EHBP1: variants seen among roughly 807,000 people sequenced by gnomAD.
EHBP1 encodes EH domain binding protein 1.
In EHBP1, 55 loss-of-function variants were observed where a neutral mutation model predicts 144.0. That is an observed-to-expected ratio of 0.38 (90% confidence interval 0.31 to 0.48). EHBP1 has a LOEUF of 0.48. EHBP1 is among the 20% of genes least tolerant of loss of function. The pLI is 0.98. For missense variants in EHBP1, 1,200 were observed against 1,364.2 expected (o/e 0.88, Z 1.90); for synonymous variants, 469 against 472.7 (o/e 0.99, Z 0.10).
At chr2:62,830,042 C>A (rs1251886707) in intron 6 of EHBP1, among the ~76,000 whole-genome samples, 1 of 150,746 alleles carries the variant, frequency 6.6e-6, no homozygotes, top group Admixed American at 6.6e-5. Context: ...CTTGCACATG[C>A]AATGTTTATA....
chr2:62,841,715 T>C (rs1369301708), intron 7 of EHBP1, among the ~76,000 whole-genome samples: 1 of 152,210 alleles, frequency 6.6e-6, no homozygotes, highest in Non-Finnish European at 1.5e-5. Flanking sequence ...ATCTTTCCCA[T>C]CTTTGAGTTT....
chr2:63,016,968 A>G (rs976488378), intron 19 of EHBP1, among the ~76,000 whole-genome samples: 8 of 152,138 alleles, frequency 5.3e-5, no homozygotes, highest in African/African-American at 1.9e-4. Flanking sequence ...GTTCTTCAAT[A>G]TTTAATCCAT....
chr2:62,680,420 C>T (rs2033471236), intron 1 of EHBP1, among the ~76,000 whole-genome samples: 1 of 152,184 alleles, frequency 6.6e-6, no homozygotes, highest in Non-Finnish European at 1.5e-5. Context: ...TCATTACTCA[C>T]TGTCAGCTTA....
At chr2:62,955,714 G>T in intron 14 of EHBP1, 54 bp downstream of exon 14, 1 of 1,552,426 alleles carries the variant, frequency 6.4e-7, no homozygotes, top group Non-Finnish European at 8.7e-7. Context: ...ATCATGGGGA[G>T]GAGGGAAGTA....
intron 19 of EHBP1, among the ~76,000 whole-genome samples, chr2:63,030,944 C>T (rs923844165): frequency 7.3e-5 from 11 of 151,570 alleles, no homozygotes; most frequent in East Asian, 1.9e-4. Context: ...CACAGGCATG[C>T]GCCACCACAC....
At chr2:62,939,647 T>C (rs1399954429) in intron 10 of EHBP1, among the ~76,000 whole-genome samples, 1 of 151,650 alleles carries the variant, frequency 6.6e-6, no homozygotes, top group African/African-American at 2.4e-5. Context: ...CATGCAGATA[T>C]CTGAGAGAGT....
At chr2:62,970,132 A>G (rs2058430836) in intron 14 of EHBP1, among the ~76,000 whole-genome samples, 1 of 151,170 alleles carries the variant, frequency 6.6e-6, no homozygotes, top group African/African-American at 2.4e-5. Context: ...GCCTAATAAC[A>G]GAGTCTTGCT....
chr2:62,808,290 G>T lies in EHBP1; in HGVS notation c.313-17797G>T, dbSNP rs2044675053. ...TGACTTCTTCTGTAGTTGTCCCACAGTCCTTGGCTACTCTATTTTTTTTTC... is the reference window on the plus strand; with the variant it reads ...TGACTTCTTCTGTAGTTGTCCCACATTCCTTGGCTACTCTATTTTTTTTTC... On this transcript the variant is annotated intron_variant, in intron 5 of 22. Coordinates refer to ENST00000431489, the MANE Select transcript of EHBP1 (RefSeq NM_001142616.3). Among the ~76,000 whole-genome samples, 3 of 147,094 alleles carry T rather than the reference G, an allele frequency of 2.0e-5. No individual in the cohort carries two copies. The East Asian group carries it at 5.9e-4, about 29-fold the overall frequency.
chr2:62,887,491 ACT>A (rs904292934), intron 10 of EHBP1, among the ~76,000 whole-genome samples: 2 of 150,814 alleles, frequency 1.3e-5, no homozygotes, highest in Admixed American at 1.3e-4. Flanking sequence ...TGATCCCAGC[ACT>A]CTAAGAGGCT....
intron 1 of EHBP1, chr2:62,674,204 G>A (rs1262995320): frequency 1.1e-5 from 5 of 451,240 alleles, no homozygotes; most frequent in Non-Finnish European, 2.3e-5. Flanking sequence ...GTGTGTGTAT[G>A]TGTGTGTGTG....
At chr2:62,822,863 A>C (rs541861587) in intron 5 of EHBP1, among the ~76,000 whole-genome samples, 45 of 152,304 alleles carry the variant, frequency 3.0e-4, no homozygotes, top group Middle Eastern at 3.4e-3. Flanking sequence ...TTCCAACCGC[A>C]ATAGACTGTA....
intron 15 of EHBP1, among the ~76,000 whole-genome samples, chr2:62,990,514 T>C (rs1032325401): frequency 1.3e-5 from 2 of 152,204 alleles, no homozygotes; most frequent in Admixed American, 6.5e-5. Flanking sequence ...TCTTTAGATA[T>C]GTTGACTGTA....
rs1248326341 is a variant in EHBP1, at chr2:63,024,133, C to G, written c.3104-13402C>G. 2.0e-5 allele frequency among the ~76,000 whole-genome samples: 3 copies of G among 152,238 alleles called. No individual in the cohort carries two copies. In the East Asian group the frequency reaches 5.8e-4, roughly 29 times the overall value. ...GGCCAAGGTGGGCGGATCATGAGGTCAGGAGTTCGAGACCAGCCTGGCCAA... is the reference window on the plus strand; with the variant it reads ...GGCCAAGGTGGGCGGATCATGAGGTGAGGAGTTCGAGACCAGCCTGGCCAA... On this transcript the variant is annotated intron_variant, in intron 19 of 22. Transcript: ENST00000431489.
chr2:62,961,681 A>G (rs973727857), intron 14 of EHBP1, among the ~76,000 whole-genome samples: 4 of 152,174 alleles, frequency 2.6e-5, no homozygotes, highest in Non-Finnish European at 5.9e-5. Context: ...TTTTCAAGAA[A>G]ATATTTCTTT....
chr2:62,787,974 G>A (rs1396315085), intron 5 of EHBP1, among the ~76,000 whole-genome samples: 1 of 146,832 alleles, frequency 6.8e-6, no homozygotes, highest in Non-Finnish European at 1.5e-5. Context: ...AATGGAGTAG[G>A]ATGGTTTCTT....
chr2:62,825,288 A>C (rs1004591176), intron 5 of EHBP1, among the ~76,000 whole-genome samples: 1 of 152,022 alleles, frequency 6.6e-6, no homozygotes, highest in Non-Finnish European at 1.5e-5. Context: ...TCCTGTTTTC[A>C]TTGTTCTCCT....
intron 15 of EHBP1, among the ~76,000 whole-genome samples, chr2:62,987,559 T>G (rs1559029515): frequency 6.6e-6 from 1 of 152,170 alleles, no homozygotes; most frequent in Non-Finnish European, 1.5e-5. Flanking sequence ...AGTGTAAAAT[T>G]TAGAAATATT....
At chr2:62,985,699 C>A (rs962016729) in intron 15 of EHBP1, among the ~76,000 whole-genome samples, 1 of 152,184 alleles carries the variant, frequency 6.6e-6, no homozygotes, top group African/African-American at 2.4e-5. Flanking sequence ...TCCTTTCATG[C>A]CTGTAAAGCC....
intron 13 of EHBP1, among the ~76,000 whole-genome samples, chr2:62,950,911 C>T (rs1327093001): frequency 2.7e-4 from 41 of 152,188 alleles, no homozygotes; most frequent in Admixed American, 2.6e-3. Flanking sequence ...TCTCAAACTC[C>T]TGACCTCAGG....
Sources: gnomAD v4.1 joint callset for allele counts (sites outside exome capture counted in the v4.1 genomes callset) on GRCh38, gnomAD v4.1.1 for gene constraint, MANE v1.5 for transcripts, NCBI Gene and HGNC (gene_info 2026-07-23, HGNC 2026-07-21) for gene names.